The following COL1A1 variants were observed in gnomAD, a reference collection of about 807,000 sequenced individuals.
COL1A1 encodes the protein collagen type I alpha 1 chain.
In COL1A1, 21 loss-of-function variants were observed where a neutral mutation model predicts 195.7. That is an observed-to-expected ratio of 0.11 (90% CI 0.08 to 0.15). The LOEUF (loss-of-function observed/expected upper bound fraction) is 0.15, where lower values mean the gene tolerates loss of function less well. Ranked by LOEUF, COL1A1 falls within the 10% of genes least tolerant of loss-of-function variation. The probability of loss-of-function intolerance (pLI) is 1.00; values close to 1 mark genes in which losing one functional copy is unlikely to be tolerated. For synonymous variants in COL1A1, 749 were observed against 747.3 expected (o/e 1.00, Z -0.04); for missense variants, 1,365 against 2,051.0 (o/e 0.67, Z 6.46).
Position 50,190,376 on chromosome 17 carries a change from T to C in COL1A1, c.2402A>G (p.Asp801Gly). 1 of 1,609,772 alleles carries C rather than the reference T, an allele frequency of 6.2e-7. No individual in the cohort carries two copies. Among genetic ancestry groups the C allele is most frequent in the Non-Finnish European group, 8.5e-7 (1 of 1,177,764 alleles). Residue 801 changes from aspartate to glycine, a missense_variant, in exon 35 of 51, where the codon GAC becomes GGC. Transcript: ENST00000225964. This position sits in a 1 kb window ranked among gnomAD's most constrained non-coding sequence, Gnocchi z 4.7. ...GCCGGGGGGACCAGGCTCACCACGGTCTCCCTAGAAGAAAAGGAGTCAGAT... is the reference window on the plus strand; with the variant it reads ...GCCGGGGGGACCAGGCTCACCACGGCCTCCCTAGAAGAAAAGGAGTCAGAT... ...GPTGARGAPGDRGEPGPPGPA... is the reference protein window; with the variant it reads ...GPTGARGAPGGRGEPGPPGPA...
In COL1A1 at chr17:50,187,966, A is replaced by C. The variant is rs1219747923; in HGVS notation, c.3279T>G (p.Arg1093=). The change falls in exon 45 of 51, where the codon CGT becomes CGG. Residue 1093 remains arginine (R), a synonymous_variant. Transcript: ENST00000225964. ...ARGPAGPQGP[R]GDKGETGEQG... ...GTTCGCCTGTCTCACCCTTGTCACCACGGGGGCCTTGGGGTCCCTAGAAGA... is the reference window on the plus strand; with the variant it reads ...GTTCGCCTGTCTCACCCTTGTCACCCCGGGGGCCTTGGGGTCCCTAGAAGA... 2 of 1,614,048 alleles carry C rather than the reference A, an allele frequency of 1.2e-6. No homozygotes were observed. Among genetic ancestry groups the C allele is most frequent in the Non-Finnish European group, 1.7e-6 (2 of 1,179,978 alleles).
rs1351742344 is a variant in COL1A1, at chr17:50,194,130, A to AG, written c.1667dup (p.Gly557TrpfsTer30). On this transcript the variant is annotated frameshift_variant and splice_region_variant, in exon 24 of 51. Transcript: ENST00000225964. LOFTEE classifies it high-confidence loss of function. The surrounding 1 kb of genome is among the most constrained non-coding windows in gnomAD (Gnocchi z 6.8). ...GGGGTTCAGGGGGAGTGATACTTAC[A>AG]GGGGGGCCAGTTTTGCCATCAGGAC... 6.2e-7 allele frequency: 1 copy of AG among 1,607,194 alleles called. No homozygotes were observed.
rs781457915 is a variant in COL1A1 at position 50,190,579 on chromosome 17, G to A, written c.2361C>T (p.Ser787=). The change falls in exon 34 of 51, where the codon AGC becomes AGT. Residue 787 remains serine, a synonymous_variant. Coordinates refer to ENST00000225964, the MANE Select transcript of COL1A1 (RefSeq NM_000088.4). This position sits in a 1 kb window ranked among gnomAD's most constrained non-coding sequence, Gnocchi z 4.7. ...APGDKGESGP[S]GPAGPTGARG... is the part of the protein sequence containing the mutation. ...GAGCTCCAGTGGGACCAGCAGGGCC[G>A]CTGGGACCACTTTCACCCTGAGAGC... 13 of 1,612,392 alleles carry A rather than the reference G, an allele frequency of 8.1e-6. No homozygotes were observed. The highest frequency in any genetic ancestry group is 2.2e-5 in the East Asian group (1 of 44,834).
Position 50,186,792 on chromosome 17 carries a change from G to T in COL1A1, c.3662C>A (p.Ala1221Asp). The T allele has an allele frequency of 1.2e-6, 2 of 1,614,180 alleles. No homozygotes were observed. The highest frequency in any genetic ancestry group is 1.7e-6 in the Non-Finnish European group (2 of 1,180,046). ...GAGGTCACGGTCACGAACCACATTGGCATCATCAGCCCGGTAGTAGCGGCC... is the reference window on the plus strand; with the variant it reads ...GAGGTCACGGTCACGAACCACATTGTCATCATCAGCCCGGTAGTAGCGGCC... ...DGGRYYRADDANVVRDRDLEV... is the reference protein window; with the variant it reads ...DGGRYYRADDDNVVRDRDLEV... Residue 1221 changes from alanine to aspartate, a missense_variant, in exon 48 of 51, where the codon GCC becomes GAC. Ala to Asp is a moderately radical substitution (Grantham distance 126, BLOSUM62 -2). This residue lies in a region of COL1A1 where 273 missense variants were observed against 338.6 expected (regional missense o/e 0.81). Coordinates refer to ENST00000225964, the MANE Select transcript of COL1A1 (RefSeq NM_000088.4). This position sits in a 1 kb window ranked among gnomAD's most constrained non-coding sequence, Gnocchi z 5.3.
At position 50,201,424 on chromosome 17, in the gene COL1A1, G is replaced by T; in HGVS notation, c.90C>A (p.Gly30=). 6.2e-7 allele frequency: 1 copy of T among 1,613,784 alleles called. No homozygotes were observed. ...TTTGGGACTTACTGTCTTCGTCTTG[G>T]CCCTCGACTTGGCCTTCCTCTTGGC... ...THGQEEGQVE[G]QDEDIPPITC... Residue 30 remains glycine, a synonymous_variant, in exon 1 of 51, where the codon GGC becomes GGA. Transcript: ENST00000225964.
rs1907440041 is a variant in COL1A1, at chr17:50,194,934, G to A, written c.1354-106C>T. 3.4e-6 allele frequency: 5 copies of A among 1,473,742 alleles called. No homozygotes were observed. Among genetic ancestry groups the A allele is most frequent in the Middle Eastern group, 2.3e-4 (1 of 4,424 alleles). The allele number at this position is 1,473,742 out of a possible 1,614,324, so 91.3% of individuals were successfully genotyped here. ...TCCAGTGTCAGGGGTTCCTGGGGGT[G>A]TGGCAGGGACTCCCCCAGAAGACTA... On this transcript the variant is annotated intron_variant, in intron 20 of 50. Coordinates refer to ENST00000225964, the MANE Select transcript of COL1A1 (RefSeq NM_000088.4). This position sits in a 1 kb window ranked among gnomAD's most constrained non-coding sequence, Gnocchi z 6.8.
chr17:50,196,194 A>G lies in COL1A1; in HGVS notation c.963T>C (p.Ala321=), dbSNP rs1449570284. 1.9e-6 allele frequency: 3 copies of G among 1,613,894 alleles called. No homozygotes were observed. Among genetic ancestry groups the G allele is most frequent in the Admixed American group, 3.3e-5 (2 of 59,996 alleles). ...GRPGAPGPAG[A]RGNDGATGAA... ...CACCAGTAGCACCATCATTTCCACG[A>G]GCACCCTGCAGGAGAGAGGGGAAGC... is the stretch of plus-strand genomic sequence containing the variant. Residue 321 remains alanine (A), a synonymous_variant, in exon 15 of 51, where the codon GCT becomes GCC. Transcript: ENST00000225964.
chr17:50,197,253 C>T lies in COL1A1; in HGVS notation c.697-20G>A, dbSNP rs762126379. ...TTCCCCCTGAGAGGGAGAGAAAAGACCATCATGCCTCTGCCTCCCCACCAC... is the reference window on the plus strand; with the variant it reads ...TTCCCCCTGAGAGGGAGAGAAAAGATCATCATGCCTCTGCCTCCCCACCAC... On this transcript the variant is annotated intron_variant, in intron 9 of 50. Transcript: ENST00000225964. The T allele has an allele frequency of 3.7e-6, 6 of 1,611,994 alleles. No individual in the cohort carries two copies. The highest frequency in any genetic ancestry group is 5.1e-6 in the Non-Finnish European group (6 of 1,179,726).
intron 8 of COL1A1, 78 bp downstream of exon 8, chr17:50,197,870 AC>A: frequency 6.3e-7 from 1 of 1,585,562 alleles, no homozygotes; most frequent in Non-Finnish European, 8.7e-7. Context: ...GGTAAGGAAG[AC>A]CCCAGGCCTG....
In COL1A1 at chr17:50,185,176, C is replaced by T. The variant is rs998677198; in HGVS notation, c.*326G>A. Reference sequence around the variant, plus strand: ...CAGCATTGGGGTTTCATAAGCCCAACGGGCAGAAAGGGACTTACCCCCGCA... The same window carrying T: ...CAGCATTGGGGTTTCATAAGCCCAATGGGCAGAAAGGGACTTACCCCCGCA... On this transcript the variant is annotated 3_prime_UTR_variant, in exon 51 of 51. Transcript: ENST00000225964. 1.7e-5 allele frequency: 6 copies of T among 352,392 alleles called. No individual in the cohort carries two copies. Among genetic ancestry groups the T allele is most frequent in the Admixed American group, 9.1e-5 (2 of 22,042 alleles). 21.8% of individuals were successfully genotyped at this position (352,392 alleles called of 1,614,324 possible).
intron 30 of COL1A1, 43 bp from the exon 31 acceptor site, chr17:50,191,929 A>G: frequency 1.2e-6 from 2 of 1,608,768 alleles, no homozygotes; most frequent in South Asian, 1.1e-5. Flanking sequence ...CTCTGGAGAT[A>G]GGGCCAAGTA....
rs1906984065 is a variant in COL1A1, at chr17:50,190,499, G to C, written c.2397+44C>G. On this transcript the variant is annotated intron_variant, in intron 34 of 50. Coordinates refer to ENST00000225964, the MANE Select transcript of COL1A1 (RefSeq NM_000088.4). This position sits in a 1 kb window ranked among gnomAD's most constrained non-coding sequence, Gnocchi z 4.7. ...GGGCCAGGGGTGCTGTGTGAAGGGA[G>C]GGAAGGGCCAAGTATGGGGTCTTAA... is the stretch of plus-strand genomic sequence containing the variant. The C allele has an allele frequency of 1.2e-6, 2 of 1,611,686 alleles. No individual in the cohort carries two copies. Among genetic ancestry groups the C allele is most frequent in the Admixed American group, 1.7e-5 (1 of 59,988 alleles).
chr17:50,199,811 G>T lies in COL1A1; in HGVS notation c.240C>A (p.Asn80Lys). Residue 80 changes from asparagine (N) to lysine (K), a missense_variant, in exon 2 of 51, where the codon AAC (asparagine) becomes AAA (lysine). This residue lies in a region of COL1A1 where 194 missense variants were observed against 221.7 expected (regional missense o/e 0.88). Transcript: ENST00000225964. Reference sequence around the variant, plus strand: ...CCTCGGGGACTTCGGCGCCGGGGCAGTTCTTGGTCTCGTCACAGATCACGT... The same window carrying T: ...CCTCGGGGACTTCGGCGCCGGGGCATTTCTTGGTCTCGTCACAGATCACGT... The part of the protein sequence containing the change: ...CDDVICDETK[N>K]CPGAEVPEGE... 1 of 1,614,090 alleles carries T rather than the reference G, an allele frequency of 6.2e-7. No homozygotes were observed. The highest frequency in any genetic ancestry group is 8.5e-7 in the Non-Finnish European group (1 of 1,180,012).
Position 50,189,988 on chromosome 17 carries a change from C to T in COL1A1, c.2559+13G>A, listed in dbSNP as rs1471323476. On this transcript the variant is annotated intron_variant, in intron 36 of 50. Coordinates refer to ENST00000225964, the MANE Select transcript of COL1A1 (RefSeq NM_000088.4). This position sits in a 1 kb window ranked among gnomAD's most constrained non-coding sequence, Gnocchi z 5.5. ...CCACCAGCCTCGTGGGCACAGAGGG[C>T]CAAGCCACTCACAATGGGGCCAGGG... The T allele has an allele frequency of 3.7e-6, 6 of 1,612,520 alleles. No homozygotes were observed. Among genetic ancestry groups the T allele is most frequent in the African/African-American group, 2.7e-5 (2 of 74,720 alleles).
In COL1A1 at chr17:50,189,622, G is replaced by C; in HGVS notation, c.2667+57C>G. On this transcript the variant is annotated intron_variant, in intron 38 of 50. Transcript: ENST00000225964. This position sits in a 1 kb window ranked among gnomAD's most constrained non-coding sequence, Gnocchi z 5.5. The stretch of plus-strand genomic sequence containing the variant: ...CTCAGTCAGCCCCACCATCCTTCTG[G>C]CAGCCCCCACCCAGCACCCCCAACC... 6.2e-7 allele frequency: 1 copy of C among 1,612,280 alleles called. No individual in the cohort carries two copies. The highest frequency in any genetic ancestry group is 2.2e-5 in the East Asian group (1 of 44,806).
In COL1A1 at chr17:50,190,083, T is replaced by G; in HGVS notation, c.2477A>C (p.Lys826Thr). 1 of 1,612,078 alleles carries G rather than the reference T, an allele frequency of 6.2e-7. No individual in the cohort carries two copies. Among genetic ancestry groups the G allele is most frequent in the Non-Finnish European group, 8.5e-7 (1 of 1,179,488 alleles). ...AGCACCAGCATCACCAGGTTCGCCT[T>G]TAGCACCAGGTTGGCCGTCAGCACC... Reference protein sequence around the residue: ...PPGADGQPGAKGEPGDAGAKG... With the variant: ...PPGADGQPGATGEPGDAGAKG... The change falls in exon 36 of 51, where the codon AAA becomes ACA. Residue 826 changes from lysine (K) to threonine (T), a missense_variant. Around this residue, in one of 5 missense-constraint regions of COL1A1, gnomAD observed 671 missense variants for 1,099.9 expected, o/e 0.61. Coordinates refer to ENST00000225964, the MANE Select transcript of COL1A1 (RefSeq NM_000088.4). The surrounding 1 kb of genome is among the most constrained non-coding windows in gnomAD (Gnocchi z 4.7).
At position 50,188,380 on chromosome 17, in the gene COL1A1, C is replaced by A; in HGVS notation, c.3207+150G>T. 1 of 916,332 alleles carries A rather than the reference C, an allele frequency of 1.1e-6. No individual in the cohort carries two copies. 56.8% of individuals were successfully genotyped at this position (916,332 alleles called of 1,614,324 possible). On this transcript the variant is annotated intron_variant, in intron 43 of 50. Coordinates refer to ENST00000225964, the MANE Select transcript of COL1A1 (RefSeq NM_000088.4). The surrounding 1 kb of genome is among the most constrained non-coding windows in gnomAD (Gnocchi z 5.6). Reference sequence around the variant, plus strand: ...GGGGACTTGGGGCTGAGCTTTAACTCAGTTTTTTGGATTAAGGCCCTGACA... The same window carrying A: ...GGGGACTTGGGGCTGAGCTTTAACTAAGTTTTTTGGATTAAGGCCCTGACA...
At position 50,194,743 on chromosome 17, in the gene COL1A1, A is replaced by G. The variant is rs759860567; in HGVS notation, c.1439T>C (p.Leu480Pro). Residue 480 changes from leucine to proline, a missense_variant, in exon 21 of 51, where the codon CTG (leucine) becomes CCG (proline). Leu to Pro is a moderately conservative substitution (Grantham distance 98, BLOSUM62 -3). Coordinates refer to ENST00000225964, the MANE Select transcript of COL1A1 (RefSeq NM_000088.4). The surrounding 1 kb of genome is among the most constrained non-coding windows in gnomAD (Gnocchi z 6.8). ...TACACGCTCGCCAGGGGGTCCGGGC[A>G]GGCCAGTGGGTCCGGGTTCACCTCG... ...GARGEPGPTG[L>P]PGPPGERGGP... The G allele has an allele frequency of 6.4e-7, 1 of 1,571,556 alleles. No homozygotes were observed. Among genetic ancestry groups the G allele is most frequent in the Non-Finnish European group, 8.6e-7 (1 of 1,157,650 alleles).
At position 50,188,781 on chromosome 17, in the gene COL1A1, G is replaced by A. The variant is rs751239116; in HGVS notation, c.3060C>T (p.Ala1020=). 50 of 1,613,882 alleles carry A rather than the reference G, an allele frequency of 3.1e-5. No individual in the cohort carries two copies. The highest frequency in any genetic ancestry group is 3.3e-4 in the Middle Eastern group (2 of 6,084). The change falls in exon 42 of 51, where the codon GCC becomes GCT. Residue 1020 remains alanine (A), a synonymous_variant. Coordinates refer to ENST00000225964, the MANE Select transcript of COL1A1 (RefSeq NM_000088.4). The surrounding 1 kb of genome is among the most constrained non-coding windows in gnomAD (Gnocchi z 5.6). ...AACCGTCTCGTCCAGGGGAACCTTC[G>A]GCACCAGGAGCCCCCTGCAGAGAGA... ...GESGREGAPG[A]EGSPGRDGSP... is the part of the protein sequence containing the mutation.
Sources: gnomAD v4.1 joint callset for allele counts on GRCh38, gnomAD v4.1.1 for gene constraint, gnomAD v4.1.1 regional missense constraint, Gnocchi (gnomAD v3.1) non-coding constraint, MANE v1.5 for transcripts, NCBI Gene and HGNC (gene_info 2026-07-23, HGNC 2026-07-21) for gene names.